Variants in TTC6 observed in about 807,000 individuals in gnomAD.
The protein encoded by TTC6 is tetratricopeptide repeat domain 6, also known as tetratricopeptide repeat protein 6.
A neutral mutation model predicts 210.4 loss-of-function variants in TTC6; 172 were observed. That is an observed-to-expected ratio of 0.82 (90% CI 0.72 to 0.93). The LOEUF is 0.93. Among genes scored for constraint, TTC6 ranks in the 40% least tolerant of loss-of-function variants. TTC6 has a pLI of 0.00. For missense variants in TTC6, 2,414 were observed against 2,318.1 expected, an observed-to-expected ratio of 1.04 and a Z score of -0.85; for synonymous variants, 804 against 819.6, an observed-to-expected ratio of 0.98 and a Z score of 0.32.
chr14:37,675,190 A>T lies in TTC6; in HGVS notation c.940-4961A>T, dbSNP rs1245469904. On this transcript the variant is annotated intron_variant, in intron 1 of 30. Coordinates refer to ENST00000553443, the Ensembl canonical transcript of TTC6. ...AGTTTCAAAACCATCTCATCCTTCC[A>T]AAAGGATACACTATACATGTTAAAC... Among the ~76,000 whole-genome samples, 4 of 152,064 alleles carry T rather than the reference A, an allele frequency of 2.6e-5. No homozygotes were observed. The East Asian group carries it at 7.7e-4, about 29-fold the overall frequency.
intron 27 of TTC6, 88 bp downstream of exon 29, chr14:37,824,045 A>G (rs1270054255): frequency 8.4e-7 from 1 of 1,195,758 alleles, no homozygotes; most frequent in Non-Finnish European, 1.2e-6. Flanking sequence ...AGTATATGTT[A>G]TTTCTTTGGT....
intron 7 of TTC6, among the ~76,000 whole-genome samples, chr14:37,725,439 C>T (rs1412011129): frequency 6.7e-6 from 1 of 149,404 alleles, no homozygotes; most frequent in African/African-American, 2.5e-5. Context: ...CAACCTCCGC[C>T]CCCTGGGTTC....
At chr14:37,777,236 T>A (rs968126394) in intron 14 of TTC6, among the ~76,000 whole-genome samples, 1 of 152,196 alleles carries the variant, frequency 6.6e-6, no homozygotes, top group Non-Finnish European at 1.5e-5. Flanking sequence ...GGAATGCCAA[T>A]GAATCATAGA....
chr14:37,633,374 G>A (rs2139351787), intron 1 of TTC6, among the ~76,000 whole-genome samples: 1 of 152,290 alleles, frequency 6.6e-6, no homozygotes, highest in Admixed American at 6.5e-5. Flanking sequence ...TTGACTAGGG[G>A]AGGGAGTTTT....
rs990555467 is a variant in TTC6 at position 37,664,717 on chromosome 14, C to A, written c.940-15434C>A. Reference sequence around the variant, plus strand: ...ACTATAATCAGAGTGAACAGACAACCTACAAAATTGGGGAAAATTTTTGCA... The same window carrying A: ...ACTATAATCAGAGTGAACAGACAACATACAAAATTGGGGAAAATTTTTGCA... On this transcript the variant is annotated intron_variant, in intron 1 of 30. Coordinates refer to ENST00000553443, the Ensembl canonical transcript of TTC6. 2.0e-5 allele frequency among the ~76,000 whole-genome samples: 3 copies of A among 150,506 alleles called. 1 individual carries two copies. Among genetic ancestry groups the A allele is most frequent in the Non-Finnish European group, 4.5e-5 (3 of 67,064 alleles).
intron 13 of TTC6, 33 bp downstream of exon 15, chr14:37,751,258 T>C: frequency 6.8e-7 from 1 of 1,469,162 alleles, no homozygotes; most frequent in African/African-American, 1.4e-5. Context: ...CTACCATTTA[T>C]ATAGTTTAGA....
At chr14:37,740,609 A>G (rs1341042977) in intron 10 of TTC6, among the ~76,000 whole-genome samples, 1 of 152,234 alleles carries the variant, frequency 6.6e-6, no homozygotes, top group African/African-American at 2.4e-5. Context: ...TGTGAATGAC[A>G]GAGTGGAACA....
rs1241241968 is a variant in TTC6 at position 37,732,170 on chromosome 14, ATTC to A, written c.1819-3748_1819-3746del. On this transcript the variant is annotated intron_variant, in intron 7 of 30. Transcript: ENST00000553443. ...TTATGTTATGTGTATTATGTACTGT[ATTC>A]TTTTTTTTTTTTTTTTTTTTTTTTT... Among the ~76,000 whole-genome samples the A allele has an allele frequency of 5.0e-4, 56 of 112,082 alleles. No homozygotes were observed. In the Middle Eastern group the frequency reaches 0.015, roughly 31 times the overall value. The allele number at this position is 112,082 out of a possible 152,430, so 73.5% of individuals were successfully genotyped here.
At chr14:37,739,839 A>C (rs1476523593) in intron 10 of TTC6, among the ~76,000 whole-genome samples, 1 of 152,048 alleles carries the variant, frequency 6.6e-6, no homozygotes, top group Non-Finnish European at 1.5e-5. Context: ...AGTATTTTTA[A>C]ATTTTAAATT....
At chr14:37,603,110 GAGA>G (rs2095618821) in intron 1 of TTC6, among the ~76,000 whole-genome samples, 2 of 152,220 alleles carry the variant, frequency 1.3e-5, no homozygotes, top group East Asian at 3.9e-4. Flanking sequence ...GACAGAGAGA[GAGA>G]AGAAGCGAAG....
intron 7 of TTC6, among the ~76,000 whole-genome samples, chr14:37,727,543 T>G (rs936531289): frequency 4.7e-5 from 1 of 21,112 alleles, no homozygotes; most frequent in Non-Finnish European, 1.1e-4. Context: ...TCCGCCCGCC[T>G]TGGCCTCCCA....
chr14:37,794,729 T>G (rs1212159011), intron 17 of TTC6, among the ~76,000 whole-genome samples: 1 of 152,148 alleles, frequency 6.6e-6, no homozygotes, highest in Admixed American at 6.6e-5. Flanking sequence ...CTTTGCATGC[T>G]ACTTTATTTC....
At chr14:37,811,142 C>T (rs918039041) in intron 24 of TTC6, among the ~76,000 whole-genome samples, 5 of 152,150 alleles carry the variant, frequency 3.3e-5, no homozygotes, top group Admixed American at 6.5e-5. Flanking sequence ...TTGACCTTTA[C>T]GAAATCTTAT....
intron 6 of TTC6, among the ~76,000 whole-genome samples, chr14:37,716,651 T>C (rs935812334): frequency 6.6e-6 from 1 of 152,088 alleles, no homozygotes; most frequent in Non-Finnish European, 1.5e-5. Context: ...AAAAAATATA[T>C]GCATCAGACA....
At chr14:37,680,401 C>G in intron 2 of TTC6, 140 bp downstream of exon 4, 1 of 571,040 alleles carries the variant, frequency 1.8e-6, no homozygotes, top group Admixed American at 3.5e-5. Context: ...GCATCTAACT[C>G]GATACCACAC....
rs114155312 is a variant in TTC6 at position 37,699,038 on chromosome 14, A to C, written c.1376+2203A>C. On this transcript the variant is annotated intron_variant, in intron 4 of 30. Transcript: ENST00000553443. Reference sequence around the variant, plus strand: ...TCAGTGCCAGCCATATTGAGTGGTCAGTGGACAGACCAGCATTAACCCTCT... The same window carrying C: ...TCAGTGCCAGCCATATTGAGTGGTCCGTGGACAGACCAGCATTAACCCTCT... 4.3e-3 allele frequency among the ~76,000 whole-genome samples: 660 copies of C among 152,336 alleles called. 8 individuals are homozygous for C. The Middle Eastern group carries it at 0.068, about 16-fold the overall frequency.
chr14:37,665,523 C>T (rs986415103), intron 1 of TTC6, among the ~76,000 whole-genome samples: 1 of 150,178 alleles, frequency 6.7e-6, no homozygotes, highest in East Asian at 1.9e-4. Flanking sequence ...GGGAGAGCAC[C>T]AGGAAGAACA....
intron 1 of TTC6, among the ~76,000 whole-genome samples, chr14:37,671,347 CTTATTGA>C (rs1185373115): frequency 6.6e-6 from 1 of 152,060 alleles, no homozygotes; most frequent in Non-Finnish European, 1.5e-5. Flanking sequence ...TCTGCTATAT[CTTATTGA>C]TTACACAGGT....
Position 37,749,748 on chromosome 14 carries a change from A to G in TTC6, c.2861A>G (p.Tyr954Cys), listed in dbSNP as rs1289975261. The change falls in exon 12 of 31, where the codon TAT becomes TGT. Residue 954 changes from tyrosine to cysteine, a missense_variant. Coordinates refer to ENST00000553443, the Ensembl canonical transcript of TTC6. ...TTGGAACCATTGTTTCTCAATGCCT[A>G]TTGGCATCGACATTTAATTTATCTT... 4.8e-6 allele frequency: 7 copies of G among 1,459,772 alleles called. No homozygotes were observed. The African/African-American group carries it at 7.2e-5, about 15-fold the overall frequency. The allele number at this position is 1,459,772 out of a possible 1,614,324, so 90.4% of individuals were successfully genotyped here. A position where few individuals can be genotyped will look rare whatever the true frequency, so the allele number is the denominator to read the frequency against.
Sources: allele counts gnomAD v4.1 joint callset (sites outside exome capture counted in the v4.1 genomes callset), GRCh38; gene constraint gnomAD v4.1.1; transcripts MANE v1.5; gene names NCBI Gene and HGNC (gene_info 2026-07-23, HGNC 2026-07-21).